Variants in NRXN1 observed in about 807,000 individuals in gnomAD.
NRXN1 encodes the protein neurexin-1.
A neutral mutation model predicts 150.9 loss-of-function variants in NRXN1; 39 were observed. That is an observed-to-expected ratio of 0.26 (90% confidence interval 0.20 to 0.34). The LOEUF (loss-of-function observed/expected upper bound fraction) is 0.34. NRXN1 is among the 10% of genes least tolerant of loss of function. NRXN1 has a pLI of 1.00. For synonymous variants in NRXN1, 924 were observed against 757.0 expected (o/e 1.22, Z -3.62); for missense variants, 1,815 against 1,949.9 (o/e 0.93, Z 1.30).
rs533962270 is a variant in NRXN1 at position 49,998,604 on chromosome 2, CAAT to C, written c.4128+54664_4128+54666del. The stretch of plus-strand genomic sequence containing the variant: ...AATGAACCAATTTTTGCTGAAAAAC[CAAT>C]CTGAAATGCAGTATTCACTTCCCTG... On this transcript the variant is annotated intron_variant, in intron 21 of 22. Transcript: ENST00000401669. Among the ~76,000 whole-genome samples the C allele has an allele frequency of 1.4e-3, 207 of 151,966 alleles. 3 individuals are homozygous for C. Among genetic ancestry groups the C allele is most frequent in the Non-Finnish European group, 2.1e-3 (140 of 67,976 alleles).
intron 8 of NRXN1, among the ~76,000 whole-genome samples, chr2:50,611,147 T>A (rs541164652): frequency 5.3e-5 from 8 of 151,378 alleles, no homozygotes; most frequent in East Asian, 1.9e-4. Context: ...TGGTAGGTGC[T>A]GAAATTAAGA....
intron 15 of NRXN1, among the ~76,000 whole-genome samples, chr2:50,486,253 T>G (rs1053500864): frequency 1.3e-5 from 2 of 152,242 alleles, no homozygotes; most frequent in Middle Eastern, 3.4e-3. Flanking sequence ...AATGACATAA[T>G]TGATAATAAC....
chr2:50,310,346 C>A (rs2075072080), intron 17 of NRXN1, among the ~76,000 whole-genome samples: 1 of 152,150 alleles, frequency 6.6e-6, no homozygotes, highest in Admixed American at 6.6e-5. Context: ...AGTTGCAATA[C>A]TGTAAAAGGA....
chr2:50,376,210 C>T (rs2080483278), intron 17 of NRXN1, among the ~76,000 whole-genome samples: 1 of 151,854 alleles, frequency 6.6e-6, no homozygotes, highest in South Asian at 2.1e-4. Context: ...GTATAAAGGA[C>T]TTAGACACAG....
chr2:50,845,830 AG>A (rs1353785831), intron 5 of NRXN1, among the ~76,000 whole-genome samples: 1 of 152,226 alleles, frequency 6.6e-6, no homozygotes, highest in African/African-American at 2.4e-5. Flanking sequence ...AGGAAAAATA[AG>A]GCTTTTTGAA....
chr2:50,037,229 C>T (rs936340382), intron 21 of NRXN1, among the ~76,000 whole-genome samples: 1 of 151,838 alleles, frequency 6.6e-6, no homozygotes, highest in Non-Finnish European at 1.5e-5. Context: ...AAATTTTTAT[C>T]TCCTTTGTTC....
At chr2:50,797,510 C>G (rs561803927) in intron 5 of NRXN1, among the ~76,000 whole-genome samples, 1 of 152,000 alleles carries the variant, frequency 6.6e-6, no homozygotes, top group Admixed American at 6.6e-5. Flanking sequence ...CAGCCCAAAA[C>G]GTAAATCATG....
rs561674789 is a variant in NRXN1 at position 50,093,048 on chromosome 2, T to C, written c.3547-1554A>G. ...AAAATGTATGTACTAAATTAATTACTGAAAATGAGCAAAAAGTAATTCTGT... is the reference window on the plus strand; with the variant it reads ...AAAATGTATGTACTAAATTAATTACCGAAAATGAGCAAAAAGTAATTCTGT... On this transcript the variant is annotated intron_variant, in intron 18 of 22. Coordinates refer to ENST00000401669, the MANE Select transcript of NRXN1 (RefSeq NM_001330078.2). Among the ~76,000 whole-genome samples, 45 of 152,150 alleles carry C rather than the reference T, an allele frequency of 3.0e-4. 2 individuals are homozygous for C.
At chr2:50,270,258 C>A (rs541706072) in intron 17 of NRXN1, among the ~76,000 whole-genome samples, 1 of 152,210 alleles carries the variant, frequency 6.6e-6, no homozygotes, top group Admixed American at 6.5e-5. Context: ...ATTCAACCTA[C>A]CATCATTTGT....
At chr2:50,992,365 A>C (rs1029304868) in intron 2 of NRXN1, among the ~76,000 whole-genome samples, 3 of 152,002 alleles carry the variant, frequency 2.0e-5, no homozygotes, top group African/African-American at 7.2e-5. Context: ...ATTTGAATGT[A>C]AATATTCTAC....
At chr2:50,358,822 T>C (rs935036852) in intron 17 of NRXN1, among the ~76,000 whole-genome samples, 1 of 152,092 alleles carries the variant, frequency 6.6e-6, no homozygotes, top group Admixed American at 6.6e-5. Context: ...AGACAACTCA[T>C]ACAGGAGAGC....
rs578128401 is a variant in NRXN1 at position 50,945,158 on chromosome 2, A to C, written c.773-19203T>G. On this transcript the variant is annotated intron_variant, in intron 2 of 22. Coordinates refer to ENST00000401669, the MANE Select transcript of NRXN1 (RefSeq NM_001330078.2). ...TACTCAACTCTGTTATTGCAATGGG[A>C]AAGCAGTTACAAATAATACATAAAC... 1.5e-4 allele frequency among the ~76,000 whole-genome samples: 23 copies of C among 152,334 alleles called. No individual in the cohort carries two copies. The South Asian group carries it at 3.5e-3, about 23-fold the overall frequency.
intron 18 of NRXN1, among the ~76,000 whole-genome samples, chr2:50,165,337 G>T (rs1034501701): frequency 6.6e-6 from 1 of 152,022 alleles, no homozygotes; most frequent in Non-Finnish European, 1.5e-5. Flanking sequence ...TCTGGATGAA[G>T]CCTCAGCACT....
At chr2:50,278,067 C>CTTT (rs548030464) in intron 17 of NRXN1, among the ~76,000 whole-genome samples, 1 of 75,748 alleles carries the variant, frequency 1.3e-5, no homozygotes, top group Non-Finnish European at 2.4e-5. Flanking sequence ...TTCTCTCTCT[C>CTTT]TTTTTTTTTT....
At chr2:50,313,880 G>A (rs1205241755) in intron 17 of NRXN1, among the ~76,000 whole-genome samples, 1 of 152,074 alleles carries the variant, frequency 6.6e-6, no homozygotes, top group Non-Finnish European at 1.5e-5. Context: ...TCTGGGCACA[G>A]GGACTTTGCC....
rs760220170 is a variant in NRXN1, at chr2:50,995,142, C to T, written c.772+32360G>A. On this transcript the variant is annotated intron_variant, in intron 2 of 22. Transcript: ENST00000401669. ...AGAGAGAACTGCATTGCTTTAGGGG[C>T]TGAGAAGGGGCCTAAACTGAGACAT... 2.6e-4 allele frequency among the ~76,000 whole-genome samples: 39 copies of T among 151,762 alleles called. 2 individuals are homozygous for T. Among genetic ancestry groups the T allele is most frequent in the Non-Finnish European group, 3.4e-4 (23 of 67,960 alleles).
intron 5 of NRXN1, among the ~76,000 whole-genome samples, chr2:50,750,396 G>GCTCA (rs1700462598): frequency 6.6e-6 from 1 of 151,626 alleles, no homozygotes; most frequent in Non-Finnish European, 1.5e-5. Flanking sequence ...CTTACATGTA[G>GCTCA]CTCACTAGTT....
chr2:50,465,923 A>G (rs940731751), intron 16 of NRXN1, among the ~76,000 whole-genome samples: 2 of 151,852 alleles, frequency 1.3e-5, no homozygotes, highest in Non-Finnish European at 2.9e-5. Context: ...TGACCAATGA[A>G]TAGAGACATA....
At chr2:50,508,181 G>A (rs1035736927) in intron 12 of NRXN1, among the ~76,000 whole-genome samples, 2 of 152,050 alleles carry the variant, frequency 1.3e-5, no homozygotes, top group Non-Finnish European at 2.9e-5. Context: ...GTGTATCTCA[G>A]GTTAGAAATG....
Sources: gnomAD v4.1 joint callset for allele counts (sites outside exome capture counted in the v4.1 genomes callset) on GRCh38, gnomAD v4.1.1 for gene constraint, MANE v1.5 for transcripts, NCBI Gene and HGNC (gene_info 2026-07-23, HGNC 2026-07-21) for gene names.